Variants in RASGRP4 observed in about 807,000 individuals in gnomAD.
The protein encoded by RASGRP4 is RAS guanyl releasing protein 4.
RASGRP4 carries 52 observed loss-of-function variants against 84.4 expected under a neutral mutation model. The observed-to-expected ratio is 0.62, with a 90% CI of 0.49 to 0.78. The LOEUF (loss-of-function observed/expected upper bound fraction) is 0.78, where lower values mean the gene tolerates loss of function less well. RASGRP4 is among the 30% of genes least tolerant of loss of function. The pLI, the probability that RASGRP4 is intolerant of heterozygous loss-of-function variation, is 0.00. For synonymous variants in RASGRP4, 356 were observed against 359.1 expected, an observed-to-expected ratio of 0.99 and a Z score of 0.10; for missense variants, 760 against 886.9, an observed-to-expected ratio of 0.86 and a Z score of 1.82.
chr19:38,421,528 A>G (rs576443282), intron 2 of RASGRP4, among the ~76,000 whole-genome samples: 2 of 152,082 alleles, frequency 1.3e-5, no homozygotes, highest in Non-Finnish European at 2.9e-5. Context: ...TCTGGCCAAC[A>G]TGGTGAAACA....
At chr19:38,424,814 C>A (rs1355076348) in intron 1 of RASGRP4, among the ~76,000 whole-genome samples, 1 of 151,954 alleles carries the variant, frequency 6.6e-6, no homozygotes, top group Non-Finnish European at 1.5e-5. Flanking sequence ...AGTGTGGGCA[C>A]CCAGCTAGTA....
intron 2 of RASGRP4, 41 bp downstream of exon 2, chr19:38,421,928 G>A (rs200722917): frequency 5.8e-5 from 91 of 1,568,762 alleles, no homozygotes; most frequent in Admixed American, 1.1e-4. Flanking sequence ...TGCTGAGCCC[G>A]AGGTTAGGGC....
intron 1 of RASGRP4, among the ~76,000 whole-genome samples, chr19:38,423,472 G>A (rs749116567): frequency 6.6e-6 from 1 of 151,956 alleles, no homozygotes; most frequent in Non-Finnish European, 1.5e-5. Context: ...GCTGCAGTGA[G>A]CCGGAACTGC....
At chr19:38,414,748 C>A (rs1268621191) in intron 9 of RASGRP4, 100 bp downstream of exon 9, 11 of 1,280,094 alleles carry the variant, frequency 8.6e-6, no homozygotes, top group Non-Finnish European at 1.2e-5. Context: ...CCATGCACTC[C>A]AGCACTTTTC....
At chr19:38,415,177 A>G (rs1971448820) in intron 8 of RASGRP4, 54 bp from the exon 9 acceptor site, 2 of 1,484,698 alleles carry the variant, frequency 1.3e-6, no homozygotes, top group Non-Finnish European at 9.0e-7. Context: ...CCATCCCCTG[A>G]GCAGCCTCCT....
At chr19:38,420,533 G>A (rs937957091) in intron 4 of RASGRP4, among the ~76,000 whole-genome samples, 8 of 151,364 alleles carry the variant, frequency 5.3e-5, no homozygotes, top group South Asian at 2.1e-4. Context: ...ATCGTGGAGC[G>A]TCCTAGGAAC....
intron 6 of RASGRP4, among the ~76,000 whole-genome samples, chr19:38,419,558 C>T (rs928883295): frequency 6.6e-6 from 1 of 152,168 alleles, no homozygotes; most frequent in African/African-American, 2.4e-5. Context: ...CTCACCCTCC[C>T]AAGTAGCTGG....
At position 38,412,696 on chromosome 19, in the gene RASGRP4, G is replaced by C. The variant is rs769368340; in HGVS notation, c.1656C>G (p.Thr552=). The C allele has an allele frequency of 1.9e-6, 3 of 1,613,460 alleles. No individual in the cohort carries two copies. In the South Asian group the frequency reaches 3.3e-5, roughly 18 times the overall value. The change falls in exon 13 of 17, where the codon ACC becomes ACG. Residue 552 remains threonine (T), a synonymous_variant. Transcript: ENST00000615439. The surrounding 1 kb of genome is among the most constrained non-coding windows in gnomAD (Gnocchi z 4.6). Reference sequence around the variant, plus strand: ...CGAAGCCACTGCAGCTGTCGCAGAAGGTAGGCTTTCGGAAGGTGACCTCAT... The same window carrying C: ...CGAAGCCACTGCAGCTGTCGCAGAACGTAGGCTTTCGGAAGGTGACCTCAT... The part of the protein sequence containing the change: ...TFHEVTFRKP[T]FCDSCSGFLW...
rs1031203923 is a variant in RASGRP4 at position 38,422,169 on chromosome 19, C to G, written c.24-16G>C. 6 of 1,597,584 alleles carry G rather than the reference C, an allele frequency of 3.8e-6. No homozygotes were observed. The highest frequency in any genetic ancestry group is 3.3e-4 in the Middle Eastern group (2 of 6,014). ...GTGGGACTTCCTGTGGGCACAGCCC[C>G]CAAGGAGTCATGGGAGCACCTTCTT... is the stretch of plus-strand genomic sequence containing the variant. On this transcript the variant is annotated splice_polypyrimidine_tract_variant and intron_variant, in intron 1 of 16. Transcript: ENST00000615439.
At position 38,409,795 on chromosome 19, in the gene RASGRP4, G is replaced by A. The variant is rs1047609827; in HGVS notation, c.*245C>T. ...GGTAGAATGAGGCCTGAGTCTAAAT[G>A]TATCCAACACACAGCCGCACAGATA... On this transcript the variant is annotated 3_prime_UTR_variant, in exon 17 of 17. Transcript: ENST00000615439. The A allele has an allele frequency of 5.2e-6, 2 of 383,218 alleles. No homozygotes were observed. Among genetic ancestry groups the A allele is most frequent in the Non-Finnish European group, 9.4e-6 (2 of 211,906 alleles). The allele number at this position is 383,218 out of a possible 1,614,324, so 23.7% of individuals were successfully genotyped here.
At chr19:38,420,485 C>T (rs1375294613) in intron 4 of RASGRP4, among the ~76,000 whole-genome samples, 5 of 148,942 alleles carry the variant, frequency 3.4e-5, no homozygotes, top group Admixed American at 6.7e-5. Context: ...GGAAACAGAC[C>T]GGGGAGTCAC....
rs1971369779 is a variant in RASGRP4, at chr19:38,413,531, C to T, written c.1231-57G>A. ...CATCTATAGCCCTGCCCCAGACCCC[C>T]ACACCCACTCGCAGGCTCTTCCCAA... On this transcript the variant is annotated intron_variant, in intron 9 of 16. Coordinates refer to ENST00000615439, the MANE Select transcript of RASGRP4 (RefSeq NM_170604.3). This position sits in a 1 kb window ranked among gnomAD's most constrained non-coding sequence, Gnocchi z 4.7. The T allele has an allele frequency of 7.1e-7, 1 of 1,413,816 alleles. No homozygotes were observed. The highest frequency in any genetic ancestry group is 9.8e-7 in the Non-Finnish European group (1 of 1,021,774). The allele number at this position is 1,413,816 out of a possible 1,614,324, so 87.6% of individuals were successfully genotyped here.
At chr19:38,414,387 C>T (rs1438503246) in intron 9 of RASGRP4, among the ~76,000 whole-genome samples, 2 of 150,692 alleles carry the variant, frequency 1.3e-5, no homozygotes, top group East Asian at 2.0e-4. Flanking sequence ...GGCGCAATGG[C>T]GCAATCTCAG....
chr19:38,414,757 T>C, intron 9 of RASGRP4, 91 bp downstream of exon 9: 1 of 1,348,772 alleles, frequency 7.4e-7, no homozygotes, highest in Non-Finnish European at 1.0e-6. Context: ...CCAGCACTTT[T>C]CTATCCTGGT....
At position 38,413,073 on chromosome 19, in the gene RASGRP4, G is replaced by C. The variant is rs754474786; in HGVS notation, c.1417-24C>G. ...GACTTCAGAGGAGTGTGGGGAAGCA[G>C]ATAAGGCCCAGTTGTCGAAATATGA... is the stretch of plus-strand genomic sequence containing the variant. On this transcript the variant is annotated intron_variant, in intron 11 of 16. Coordinates refer to ENST00000615439, the MANE Select transcript of RASGRP4 (RefSeq NM_170604.3). This position sits in a 1 kb window ranked among gnomAD's most constrained non-coding sequence, Gnocchi z 4.7. 1.0e-5 allele frequency: 16 copies of C among 1,599,938 alleles called. No individual in the cohort carries two copies. In the East Asian group the frequency reaches 3.6e-4, roughly 36 times the overall value.
chr19:38,422,062 T>G lies in RASGRP4; in HGVS notation c.115A>C (p.Ile39Leu). The G allele has an allele frequency of 6.2e-7, 1 of 1,613,814 alleles. No individual in the cohort carries two copies. The highest frequency in any genetic ancestry group is 1.6e-4 in the Middle Eastern group (1 of 6,062). Residue 39 changes from isoleucine (I) to leucine (L), a missense_variant, in exon 2 of 17, where the codon ATC (isoleucine) becomes CTC (leucine). Transcript: ENST00000615439. ...RHKTCPSPREISKVMASMNLG... is the reference protein window; with the variant it reads ...RHKTCPSPRELSKVMASMNLG... ...TTCATGGAAGCCATGACCTTGCTGA[T>G]TTCCCGAGGGCTGGGGCATGTCTTG...
chr19:38,423,235 A>C (rs1166555144), intron 1 of RASGRP4, among the ~76,000 whole-genome samples: 2 of 152,210 alleles, frequency 1.3e-5, no homozygotes, highest in African/African-American at 4.8e-5. Flanking sequence ...CAAGAGAGCA[A>C]GGCTCTTGGA....
In RASGRP4 at chr19:38,412,857, G is replaced by A. The variant is rs758820299; in HGVS notation, c.1536-41C>T. On this transcript the variant is annotated intron_variant, in intron 12 of 16. Transcript: ENST00000615439. The surrounding 1 kb of genome is among the most constrained non-coding windows in gnomAD (Gnocchi z 4.6). ...GAGCCTCAGCATGACCTGCCCCAAC[G>A]TCCTCCAGACCCAGGAGTCCAGGCA... 22 of 1,611,884 alleles carry A rather than the reference G, an allele frequency of 1.4e-5. No homozygotes were observed. The highest frequency in any genetic ancestry group is 1.6e-4 in the Middle Eastern group (1 of 6,074).
chr19:38,421,704 T>G (rs1402741911), intron 2 of RASGRP4, among the ~76,000 whole-genome samples: 3 of 151,374 alleles, frequency 2.0e-5, no homozygotes, highest in African/African-American at 4.9e-5. Context: ...AGAGCGAGAC[T>G]CTGTCTCAAA....
Sources: allele counts gnomAD v4.1 joint callset (sites outside exome capture counted in the v4.1 genomes callset), GRCh38; gene constraint gnomAD v4.1.1; non-coding constraint Gnocchi (gnomAD v3.1); transcripts MANE v1.5; gene names NCBI Gene and HGNC (gene_info 2026-07-23, HGNC 2026-07-21).